Variants in TNN observed in about 807,000 individuals in gnomAD.
TNN encodes tenascin N.
Under a neutral mutation model 134.4 loss-of-function variants are expected in TNN, and 122 were observed. The observed-to-expected ratio is 0.91, with a 90% confidence interval of 0.78 to 1.06. The LOEUF (loss-of-function observed/expected upper bound fraction) is 1.06, where lower values mean the gene tolerates loss of function less well. Among genes scored for constraint, TNN ranks in the 50% least tolerant of loss-of-function variants. The pLI is 0.00. For synonymous variants in TNN, 710 were observed against 670.3 expected, an observed-to-expected ratio of 1.06 and a Z score of -0.91; for missense variants, 1,739 against 1,699.4, an observed-to-expected ratio of 1.02 and a Z score of -0.41.
chr1:175,109,840 T>C (rs1279580608), intron 9 of TNN, among the ~76,000 whole-genome samples: 1 of 152,076 alleles, frequency 6.6e-6, no homozygotes, highest in Non-Finnish European at 1.5e-5. Context: ...CTCTTTGATA[T>C]ACTGATTTCC....
chr1:175,094,015 C>A lies in TNN; in HGVS notation c.1350C>A (p.Val450=). ...RTEIDSPTNV[V]TDRVTEDTAT... Reference sequence around the variant, plus strand: ...AAATTGACAGTCCAACCAATGTTGTCACTGATCGAGTGACTGAAGACACAG... The same window carrying A: ...AAATTGACAGTCCAACCAATGTTGTAACTGATCGAGTGACTGAAGACACAG... Residue 450 remains valine (V), a synonymous_variant, in exon 7 of 19, where the codon GTC becomes GTA. Coordinates refer to ENST00000239462, the MANE Select transcript of TNN (RefSeq NM_022093.2). 1 of 1,606,570 alleles carries A rather than the reference C, an allele frequency of 6.2e-7. No homozygotes were observed. The highest frequency in any genetic ancestry group is 8.5e-7 in the Non-Finnish European group (1 of 1,174,166).
chr1:175,099,218 C>T (rs934773700), intron 9 of TNN, among the ~76,000 whole-genome samples: 1 of 152,188 alleles, frequency 6.6e-6, no homozygotes, highest in Non-Finnish European at 1.5e-5. Flanking sequence ...CACAATTTCT[C>T]TTGTATTTTC....
At position 175,093,989 on chromosome 1, in the gene TNN, G is replaced by A; in HGVS notation, c.1325-1G>A. 6.3e-7 allele frequency: 1 copy of A among 1,586,384 alleles called. No homozygotes were observed. The highest frequency in any genetic ancestry group is 8.6e-7 in the Non-Finnish European group (1 of 1,159,326). On this transcript the variant is annotated splice_acceptor_variant, in intron 6 of 18. Coordinates refer to ENST00000239462, the MANE Select transcript of TNN (RefSeq NM_022093.2). LOFTEE classifies it high-confidence loss of function. Reference sequence around the variant, plus strand: ...TTTCTTTCTCATGTGTTTTTATGAAGAAATTGACAGTCCAACCAATGTTGT... The same window carrying A: ...TTTCTTTCTCATGTGTTTTTATGAAAAAATTGACAGTCCAACCAATGTTGT...
intron 9 of TNN, among the ~76,000 whole-genome samples, chr1:175,104,842 G>A (rs1421213693): frequency 2.1e-5 from 3 of 145,894 alleles, no homozygotes; most frequent in South Asian, 4.6e-4. Context: ...GTAGCCGCTC[G>A]AGGAAGGCAG....
intron 12 of TNN, among the ~76,000 whole-genome samples, chr1:175,125,747 TTCTTTCTTTC>T (rs1675505334): frequency 4.0e-5 from 4 of 100,480 alleles, no homozygotes; most frequent in East Asian, 2.8e-4. Context: ...CTTTCTTTCT[TTCTTTCTTTC>T]TCTCTCTCTC....
intron 17 of TNN, among the ~76,000 whole-genome samples, chr1:175,141,492 A>T (rs539500926): frequency 6.6e-6 from 1 of 151,832 alleles, no homozygotes; most frequent in Admixed American, 6.6e-5. Flanking sequence ...CTGAAAAAGA[A>T]AAAAAAAATT....
chr1:175,133,603 C>T lies in TNN; in HGVS notation c.3331-2242C>T, dbSNP rs150965618. Among the ~76,000 whole-genome samples the T allele has an allele frequency of 6.2e-3, 948 of 152,302 alleles. 10 individuals are homozygous for T. The highest frequency in any genetic ancestry group is 0.022 in the African/African-American group (914 of 41,566). On this transcript the variant is annotated intron_variant, in intron 15 of 18. Coordinates refer to ENST00000239462, the MANE Select transcript of TNN (RefSeq NM_022093.2). ...TCTCCTTAATGGATTCGTCCTTCTT[C>T]ATTATACATATTGGATGTCCTCAAG...
chr1:175,100,436 A>G (rs1674692830), intron 9 of TNN, among the ~76,000 whole-genome samples: 1 of 152,214 alleles, frequency 6.6e-6, no homozygotes, highest in Non-Finnish European at 1.5e-5. Flanking sequence ...TGGGACTCAC[A>G]GTGTATCTTT....
intron 11 of TNN, among the ~76,000 whole-genome samples, chr1:175,119,703 C>T (rs1012643936): frequency 9.1e-5 from 13 of 143,384 alleles, no homozygotes; most frequent in East Asian, 8.6e-4. Context: ...GGCGCTATCT[C>T]GGCTCACTGC....
At chr1:175,077,940 C>T (rs1674090232) in intron 2 of TNN, 113 bp downstream of exon 2, 1 of 1,125,470 alleles carries the variant, frequency 8.9e-7, no homozygotes, top group African/African-American at 1.6e-5. Context: ...TCCTACTTCT[C>T]ATTCTGGGTT....
At chr1:175,125,908 T>G (rs1221456257) in intron 12 of TNN, among the ~76,000 whole-genome samples, 1 of 148,096 alleles carries the variant, frequency 6.8e-6, no homozygotes, top group East Asian at 2.0e-4. Context: ...TCTCTCCCGC[T>G]CTCTCTCTCT....
chr1:175,125,703 C>CCTTCTT (rs1453246536), intron 12 of TNN, among the ~76,000 whole-genome samples: 3 of 66,390 alleles, frequency 4.5e-5, no homozygotes, highest in African/African-American at 1.7e-4. Flanking sequence ...TCTTTTTTCT[C>CCTTCTT]TCTTTCTTTC....
In TNN at chr1:175,097,468, C is replaced by A. The variant is rs1473562080; in HGVS notation, c.1640C>A (p.Ala547Asp). 6.2e-7 allele frequency: 1 copy of A among 1,614,110 alleles called. No individual in the cohort carries two copies. The highest frequency in any genetic ancestry group is 8.5e-7 in the Non-Finnish European group (1 of 1,180,060). The change falls in exon 8 of 19, where the codon GCC becomes GAC. Residue 547 changes from alanine to aspartate, a missense_variant. Ala to Asp is a moderately radical substitution (Grantham distance 126). Transcript: ENST00000239462. ...ACTGACCGGGTGACTGAGAATACCG[C>A]CACCATCTCCTGGGACCCGGTACAG... ...LVTDRVTENT[A>D]TISWDPVQAT...
chr1:175,098,745 T>A lies in TNN; in HGVS notation c.2119+150T>A, dbSNP rs141170775. 2.1e-5 allele frequency: 25 copies of A among 1,185,562 alleles called. No homozygotes were observed. The African/African-American group carries it at 3.9e-4, about 18-fold the overall frequency. The allele number at this position is 1,185,562 out of a possible 1,614,324, so 73.4% of individuals were successfully genotyped here. On this transcript the variant is annotated intron_variant, in intron 9 of 18. Transcript: ENST00000239462. ...ACATTGTGTCCCCCTCACTTCCTTT[T>A]ACTGGCCTCTCTTAGAATGCCTAAG...
chr1:175,127,016 C>T lies in TNN; in HGVS notation c.2976C>T (p.Thr992=). Residue 992 remains threonine (T), a synonymous_variant, in exon 13 of 19, where the codon ACC becomes ACT. Transcript: ENST00000239462. The part of the protein sequence containing the change: ...SAVTQSGGIL[T]WTPPSAQIHG... ...TAACGCAGTCTGGTGGCATATTGACCTGGACGCCCCCCTCTGCTCAGATCC... is the reference window on the plus strand; with the variant it reads ...TAACGCAGTCTGGTGGCATATTGACTTGGACGCCCCCCTCTGCTCAGATCC... 6 of 1,614,206 alleles carry T rather than the reference C, an allele frequency of 3.7e-6. No homozygotes were observed. Among genetic ancestry groups the T allele is most frequent in the Non-Finnish European group, 4.2e-6 (5 of 1,180,026 alleles).
At chr1:175,094,792 C>T (rs1044278608) in intron 7 of TNN, among the ~76,000 whole-genome samples, 2 of 152,236 alleles carry the variant, frequency 1.3e-5, no homozygotes, top group Non-Finnish European at 2.9e-5. Flanking sequence ...TATACTGGGA[C>T]ATAGCCCAGC....
Position 175,142,806 on chromosome 1 carries a change from C to T in TNN, c.3596-1581C>T, listed in dbSNP as rs185623130. ...CCAATTTTTGTATTTTCAGTAGAGA[C>T]GGCGTTTCACCATATTGGCCAGGCT... is the stretch of plus-strand genomic sequence containing the variant. On this transcript the variant is annotated intron_variant, in intron 17 of 18. Transcript: ENST00000239462. 5.9e-3 allele frequency among the ~76,000 whole-genome samples: 901 copies of T among 152,160 alleles called. 11 individuals carry two copies. Among genetic ancestry groups the T allele is most frequent in the South Asian group, 0.017 (82 of 4,816 alleles).
At chr1:175,097,364 A>G (rs1469547989) in intron 7 of TNN, 53 bp from the exon 8 acceptor site, 2 of 1,603,308 alleles carry the variant, frequency 1.2e-6, no homozygotes, top group East Asian at 2.2e-5. Flanking sequence ...TGCTGTCTTT[A>G]TGGAATTAGA....
intron 1 of TNN, among the ~76,000 whole-genome samples, chr1:175,071,250 C>T (rs961885789): frequency 6.6e-6 from 1 of 152,068 alleles, no homozygotes; most frequent in African/African-American, 2.4e-5. Flanking sequence ...TCTTCTTTGG[C>T]GTAAGTAGTA....
Sources: allele counts gnomAD v4.1 joint callset (sites outside exome capture counted in the v4.1 genomes callset), GRCh38; gene constraint gnomAD v4.1.1; transcripts MANE v1.5; gene names NCBI Gene and HGNC (gene_info 2026-07-23, HGNC 2026-07-21).